The following ZNF134 variants were observed in gnomAD, a reference collection of about 807,000 sequenced individuals.
ZNF134 encodes the protein zinc finger protein 134 (clone pHZ-15).
ZNF134 carries 5 observed loss-of-function variants against 2.5 expected under a neutral mutation model. That is an observed-to-expected ratio of 2.03 (90% CI 1.06 to 4.27). The LOEUF (loss-of-function observed/expected upper bound fraction) is 4.27. Ranked by LOEUF, ZNF134 falls within the 30% of genes most tolerant of loss-of-function variation. The pLI is 0.00. For missense variants in ZNF134, 540 were observed against 517.5 expected, an observed-to-expected ratio of 1.04 and a Z score of -0.42; for synonymous variants, 176 against 176.2, an observed-to-expected ratio of 1.00 and a Z score of 0.01.
At position 57,622,569 on chromosome 19, in the gene ZNF134, C is replaced by T. The variant is rs916326376; in HGVS notation, c.*1166C>T. 1 of 152,150 alleles carries T rather than the reference C, an allele frequency of 6.6e-6. No homozygotes were observed. The highest frequency in any genetic ancestry group is 1.5e-5 in the Non-Finnish European group (1 of 68,056). The allele number at this position is 152,150 out of a possible 1,614,324, so 9.4% of individuals were successfully genotyped here. A position where few individuals can be genotyped will look rare whatever the true frequency, so the allele number is the denominator to read the frequency against. On this transcript the variant is annotated 3_prime_UTR_variant, in exon 3 of 3. Transcript: ENST00000396161. The stretch of plus-strand genomic sequence containing the variant: ...TAGGTCAAGGTCACTGGTGCAGCAA[C>T]GAATGTAGTTTTTCTAGATTCCTCT...
chr19:57,614,620 TG>T (rs1981000653), intron 1 of ZNF134, 117 bp downstream of exon 1: 3 of 321,802 alleles, frequency 9.3e-6, no homozygotes, highest in African/African-American at 2.3e-5. Flanking sequence ...GGGGCGCTGG[TG>T]GGTGGGGGCG....
At position 57,620,657 on chromosome 19, in the gene ZNF134, G is replaced by A. The variant is rs760602755; in HGVS notation, c.538G>A (p.Glu180Lys). The A allele has an allele frequency of 1.9e-6, 3 of 1,614,082 alleles. No homozygotes were observed. The highest frequency in any genetic ancestry group is 2.5e-6 in the Non-Finnish European group (3 of 1,180,046). ...HGEQMHYKCS[E>K]CGKAFSRKDT... Reference sequence around the variant, plus strand: ...TGAACAAATGCATTACAAGTGCAGTGAATGTGGGAAAGCTTTCAGCCGCAA... The same window carrying A: ...TGAACAAATGCATTACAAGTGCAGTAAATGTGGGAAAGCTTTCAGCCGCAA... Residue 180 changes from glutamate to lysine, a missense_variant, in exon 3 of 3, where the codon GAA becomes AAA. Coordinates refer to ENST00000396161, the MANE Select transcript of ZNF134 (RefSeq NM_003435.5).
At position 57,621,126 on chromosome 19, in the gene ZNF134, G is replaced by A. The variant is rs374157611; in HGVS notation, c.1007G>A (p.Arg336Gln). 306 of 1,614,196 alleles carry A rather than the reference G, an allele frequency of 1.9e-4. 3 individuals carry two copies. The South Asian group carries it at 2.1e-3, about 11-fold the overall frequency. ...GHKYTLIKHQRIHTESKPFEC... is the reference protein window; with the variant it reads ...GHKYTLIKHQQIHTESKPFEC... ...AAATACACCCTCATTAAACATCAGCGAATTCACACTGAGTCAAAGCCGTTT... is the reference window on the plus strand; with the variant it reads ...AAATACACCCTCATTAAACATCAGCAAATTCACACTGAGTCAAAGCCGTTT... Residue 336 changes from arginine (R) to glutamine (Q), a missense_variant, in exon 3 of 3, where the codon CGA becomes CAA. Transcript: ENST00000396161.
Position 57,619,509 on chromosome 19 carries a change from G to A in ZNF134, c.40+1G>A. 6.2e-7 allele frequency: 1 copy of A among 1,601,024 alleles called. No individual in the cohort carries two copies. Among genetic ancestry groups the A allele is most frequent in the Non-Finnish European group, 8.5e-7 (1 of 1,174,028 alleles). ...GCAGGAGGGGCTTGGACAGGCCCTG[G>A]TGAGTGGGAGCTGAGGGACGCCATA... On this transcript the variant is annotated splice_donor_variant, in intron 2 of 2. Coordinates refer to ENST00000396161, the MANE Select transcript of ZNF134 (RefSeq NM_003435.5). LOFTEE classifies it high-confidence loss of function.
rs753885353 is a variant in ZNF134 at position 57,620,946 on chromosome 19, T to C, written c.827T>C (p.Ile276Thr). ...TATTTTAGCCATCACTCCAATCTAA[T>C]TGTACACCAGAGAGTTCACAATGGA... is the stretch of plus-strand genomic sequence containing the variant. ...GKYFSHHSNLIVHQRVHNGAR... is the reference protein window; with the variant it reads ...GKYFSHHSNLTVHQRVHNGAR... Residue 276 changes from isoleucine to threonine, a missense_variant, in exon 3 of 3, where the codon ATT becomes ACT. Transcript: ENST00000396161. 76 of 1,614,022 alleles carry C rather than the reference T, an allele frequency of 4.7e-5. 1 individual carries two copies. In the South Asian group the frequency reaches 8.2e-4, roughly 17 times the overall value.
rs367881205 is a variant in ZNF134, at chr19:57,620,678, C to T, written c.559C>T (p.Arg187Cys). 67 of 1,613,874 alleles carry T rather than the reference C, an allele frequency of 4.2e-5. No individual in the cohort carries two copies. The highest frequency in any genetic ancestry group is 2.2e-4 in the Admixed American group (13 of 59,978). ...KCSECGKAFS[R>C]KDTLVQHQRI... is the part of the protein sequence containing the mutation. The stretch of plus-strand genomic sequence containing the variant: ...CAGTGAATGTGGGAAAGCTTTCAGC[C>T]GCAAAGACACACTTGTCCAGCACCA... The change falls in exon 3 of 3, where the codon CGC (arginine) becomes TGC (cysteine). Residue 187 changes from arginine to cysteine, a missense_variant. By Grantham distance (180) the Arg-to-Cys change is radical. Transcript: ENST00000396161.
In ZNF134 at chr19:57,621,366, A is replaced by G. The variant is rs139663822; in HGVS notation, c.1247A>G (p.Asn416Ser). Reference sequence around the variant, plus strand: ...GCCTACAGCTTAAGCTCCCACCTCAATCGGCACCAGAAAGTTCACACTGCA... The same window carrying G: ...GCCTACAGCTTAAGCTCCCACCTCAGTCGGCACCAGAAAGTTCACACTGCA... ...GKAYSLSSHL[N>S]RHQKVHTAGR... is the part of the protein sequence containing the mutation. Residue 416 changes from asparagine to serine, a missense_variant, in exon 3 of 3, where the codon AAT becomes AGT. Physicochemically the swap from Asn to Ser is conservative, Grantham distance 46. Coordinates refer to ENST00000396161, the MANE Select transcript of ZNF134 (RefSeq NM_003435.5). 2.8e-4 allele frequency: 451 copies of G among 1,614,038 alleles called. 2 individuals carry two copies. Among genetic ancestry groups the G allele is most frequent in the African/African-American group, 3.1e-4 (23 of 75,036 alleles).
intron 1 of ZNF134, among the ~76,000 whole-genome samples, chr19:57,616,607 C>T (rs1229819027): frequency 6.6e-6 from 1 of 152,180 alleles, no homozygotes; most frequent in East Asian, 1.9e-4. Flanking sequence ...TGGTGGGAGC[C>T]AGCACTGAGA....
chr19:57,616,746 C>T (rs1981061702), intron 1 of ZNF134, among the ~76,000 whole-genome samples: 1 of 152,220 alleles, frequency 6.6e-6, no homozygotes, highest in Admixed American at 6.5e-5. Flanking sequence ...AGCTTCCCTC[C>T]TCTTGTGAGG....
rs373562711 is a variant in ZNF134, at chr19:57,620,929, C to A, written c.810C>A (p.Ser270Arg). Residue 270 changes from serine (S) to arginine (R), a missense_variant, in exon 3 of 3, where the codon AGC (serine) becomes AGA (arginine). Physicochemically the swap from Ser to Arg is moderately radical, Grantham distance 110. Coordinates refer to ENST00000396161, the MANE Select transcript of ZNF134 (RefSeq NM_003435.5). The stretch of plus-strand genomic sequence containing the variant: ...GCAATGAATGTGGGAAATATTTTAG[C>A]CATCACTCCAATCTAATTGTACACC... ...YKCNECGKYFSHHSNLIVHQR... is the reference protein window; with the variant it reads ...YKCNECGKYFRHHSNLIVHQR... The A allele has an allele frequency of 6.2e-7, 1 of 1,614,084 alleles. No homozygotes were observed. Among genetic ancestry groups the A allele is most frequent in the African/African-American group, 1.3e-5 (1 of 74,936 alleles).
Position 57,620,521 on chromosome 19 carries a change from T to C in ZNF134, c.402T>C (p.Cys134=). ...EPHPSEKPFT[C]KEEQKNFQAT... The stretch of plus-strand genomic sequence containing the variant: ...ATCCGTCAGAGAAGCCCTTTACGTG[T>C]AAGGAGGAGCAGAAAAACTTCCAGG... Residue 134 remains cysteine, a synonymous_variant, in exon 3 of 3, where the codon TGT becomes TGC. Coordinates refer to ENST00000396161, the MANE Select transcript of ZNF134 (RefSeq NM_003435.5). 2 of 1,614,082 alleles carry C rather than the reference T, an allele frequency of 1.2e-6. No homozygotes were observed. The highest frequency in any genetic ancestry group is 1.7e-6 in the Non-Finnish European group (2 of 1,180,006).
chr19:57,619,296 C>G (rs574002772), intron 1 of ZNF134, 116 bp from the exon 2 acceptor site: 6 of 820,898 alleles, frequency 7.3e-6, no homozygotes, highest in Non-Finnish European at 1.2e-5. Flanking sequence ...TCCTGCAGGA[C>G]AATTTTCTGA....
At chr19:57,614,641 G>T (rs1446181630) in intron 1 of ZNF134, 138 bp downstream of exon 1, 1 of 320,050 alleles carries the variant, frequency 3.1e-6, no homozygotes, top group Non-Finnish European at 6.1e-6. Context: ...GAGTGTGACT[G>T]GCAGAGGGGC....
At chr19:57,616,927 C>T (rs1340782519) in intron 1 of ZNF134, among the ~76,000 whole-genome samples, 1 of 152,200 alleles carries the variant, frequency 6.6e-6, no homozygotes, top group Non-Finnish European at 1.5e-5. Context: ...GTCCTGCAGT[C>T]ACCCAAAGCT....
intron 1 of ZNF134, among the ~76,000 whole-genome samples, chr19:57,615,281 A>G (rs9676282): frequency 0.077 from 11,650 of 151,902 alleles, 688 homozygotes; most frequent in East Asian, 0.16. Flanking sequence ...TAGAGACTTC[A>G]ATGGGTGAGG....
rs776903656 is a variant in ZNF134 at position 57,624,351 on chromosome 19, T to C, written c.*2948T>C. The C allele has an allele frequency of 2.7e-5, 4 of 149,958 alleles. No individual in the cohort carries two copies. Among genetic ancestry groups the C allele is most frequent in the Non-Finnish European group, 4.4e-5 (3 of 67,580 alleles). The allele number at this position is 149,958 out of a possible 1,614,324, so 9.3% of individuals were successfully genotyped here. A position where few individuals can be genotyped will look rare whatever the true frequency, so the allele number is the denominator to read the frequency against. On this transcript the variant is annotated 3_prime_UTR_variant, in exon 3 of 3. Transcript: ENST00000396161. Reference sequence around the variant, plus strand: ...TGGGTGGTCACAGGAGGATGGAAAATCTCAACACCCTGGTTTTGGTGCAGC... The same window carrying C: ...TGGGTGGTCACAGGAGGATGGAAAACCTCAACACCCTGGTTTTGGTGCAGC...
At chr19:57,617,306 T>G (rs902536998) in intron 1 of ZNF134, among the ~76,000 whole-genome samples, 1 of 152,152 alleles carries the variant, frequency 6.6e-6, no homozygotes, top group Admixed American at 6.5e-5. Flanking sequence ...CTGAGGAGCT[T>G]AATGCAACAG....
rs1981188060 is a variant in ZNF134 at position 57,620,756 on chromosome 19, T to G, written c.637T>G (p.Phe213Val). The G allele has an allele frequency of 6.2e-7, 1 of 1,612,680 alleles. No homozygotes were observed. The highest frequency in any genetic ancestry group is 1.3e-5 in the African/African-American group (1 of 74,920). Reference sequence around the variant, plus strand: ...TGAGTGCAGCGAATGTGGGAAAGCCTTCAGCCGCAAAGCTACACTTGTCCA... The same window carrying G: ...TGAGTGCAGCGAATGTGGGAAAGCCGTCAGCCGCAAAGCTACACTTGTCCA... Reference protein sequence around the residue: ...PYECSECGKAFSRKATLVQHQ... With the variant: ...PYECSECGKAVSRKATLVQHQ... Residue 213 changes from phenylalanine (F) to valine (V), a missense_variant, in exon 3 of 3, where the codon TTC becomes GTC. By Grantham distance (50) the Phe-to-Val change is conservative. Coordinates refer to ENST00000396161, the MANE Select transcript of ZNF134 (RefSeq NM_003435.5).
rs779687553 is a variant in ZNF134, at chr19:57,620,466, T to C, written c.347T>C (p.Val116Ala). The C allele has an allele frequency of 2.5e-6, 4 of 1,614,194 alleles. No individual in the cohort carries two copies. The highest frequency in any genetic ancestry group is 1.1e-5 in the South Asian group (1 of 91,084). Reference sequence around the variant, plus strand: ...AGGGATAAAAGTGAGGCCTCAATTGTGAAGAACTGCACAGTTAGCAAAGAA... The same window carrying C: ...AGGGATAAAAGTGAGGCCTCAATTGCGAAGAACTGCACAGTTAGCAAAGAA... ...LRRDKSEASIVKNCTVSKEPH... is the reference protein window; with the variant it reads ...LRRDKSEASIAKNCTVSKEPH... The change falls in exon 3 of 3, where the codon GTG becomes GCG. Residue 116 changes from valine to alanine, a missense_variant. Transcript: ENST00000396161.
Sources: gnomAD v4.1 joint callset for allele counts (sites outside exome capture counted in the v4.1 genomes callset) on GRCh38, gnomAD v4.1.1 for gene constraint, MANE v1.5 for transcripts, NCBI Gene and HGNC (gene_info 2026-07-23, HGNC 2026-07-21) for gene names.